Variants in DNAJC1 observed in about 807,000 individuals in gnomAD.
The protein encoded by DNAJC1 is dnaJ homolog subfamily C member 1.
A neutral mutation model predicts 76.6 loss-of-function variants in DNAJC1; 58 were observed. The observed-to-expected ratio is 0.76, with a 90% confidence interval of 0.61 to 0.94. The LOEUF (loss-of-function observed/expected upper bound fraction) is 0.94, where lower values mean the gene tolerates loss of function less well. Ranked by LOEUF, DNAJC1 falls within the 40% of genes least tolerant of loss-of-function variation. The probability of loss-of-function intolerance (pLI) is 0.00; values close to 1 mark genes in which losing one functional copy is unlikely to be tolerated. For missense variants in DNAJC1, 689 were observed against 677.3 expected (o/e 1.02, Z -0.19); for synonymous variants, 258 against 267.9 (o/e 0.96, Z 0.36).
At chr10:22,002,479 G>A (rs1043349638) in intron 1 of DNAJC1, among the ~76,000 whole-genome samples, 20 of 150,606 alleles carry the variant, frequency 1.3e-4, no homozygotes, top group African/African-American at 4.4e-4. Context: ...AGGAAAAGGG[G>A]AAAAAAAAAC....
intron 1 of DNAJC1, among the ~76,000 whole-genome samples, chr10:21,997,417 G>A (rs1421343091): frequency 6.6e-6 from 1 of 152,220 alleles, no homozygotes; most frequent in Non-Finnish European, 1.5e-5. Flanking sequence ...GTATGCTCAA[G>A]GGTAAGTCTG....
chr10:21,786,190 T>C (rs757377738), intron 9 of DNAJC1, among the ~76,000 whole-genome samples: 1 of 151,922 alleles, frequency 6.6e-6, no homozygotes, highest in African/African-American at 2.4e-5. Flanking sequence ...TTGTTGGTCT[T>C]AGCCCATTGG....
intron 3 of DNAJC1, among the ~76,000 whole-genome samples, chr10:21,925,588 G>A (rs1039303549): frequency 6.6e-6 from 1 of 152,098 alleles, no homozygotes; most frequent in Non-Finnish European, 1.5e-5. Flanking sequence ...TCCATACAAT[G>A]GAATACTGTT....
chr10:21,802,001 G>T (rs1834819774), intron 9 of DNAJC1, among the ~76,000 whole-genome samples: 1 of 152,148 alleles, frequency 6.6e-6, no homozygotes, highest in Non-Finnish European at 1.5e-5. Flanking sequence ...TGGGAGGAGG[G>T]AGAGGAGCAG....
intron 1 of DNAJC1, among the ~76,000 whole-genome samples, chr10:21,954,228 T>TA (rs1837645746): frequency 6.6e-6 from 1 of 152,214 alleles, no homozygotes; most frequent in Non-Finnish European, 1.5e-5. Flanking sequence ...AAAATTATGA[T>TA]GTGACTAAAT....
At chr10:21,916,443 C>T (rs1251090618) in intron 6 of DNAJC1, among the ~76,000 whole-genome samples, 3 of 151,988 alleles carry the variant, frequency 2.0e-5, no homozygotes, top group Non-Finnish European at 2.9e-5. Flanking sequence ...GAGCCGAGAT[C>T]GCGCCACTGC....
intron 8 of DNAJC1, among the ~76,000 whole-genome samples, chr10:21,876,855 T>C (rs995250711): frequency 6.6e-5 from 10 of 152,216 alleles, no homozygotes; most frequent in Non-Finnish European, 1.5e-4. Flanking sequence ...GAACAAAACA[T>C]TAATCTTGAT....
intron 8 of DNAJC1, among the ~76,000 whole-genome samples, chr10:21,877,324 A>C (rs1368820213): frequency 6.6e-6 from 1 of 151,750 alleles, no homozygotes; most frequent in African/African-American, 2.4e-5. Flanking sequence ...TTGAACATAG[A>C]AAACACCAAA....
intron 7 of DNAJC1, among the ~76,000 whole-genome samples, chr10:21,886,460 T>A (rs896805144): frequency 7.9e-5 from 12 of 152,076 alleles, no homozygotes; most frequent in African/African-American, 2.7e-4. Context: ...GAGGAAGGAC[T>A]CCTCCCAAAC....
intron 7 of DNAJC1, among the ~76,000 whole-genome samples, chr10:21,883,401 T>C (rs573812160): frequency 3.7e-4 from 56 of 152,280 alleles, no homozygotes; most frequent in Non-Finnish European, 6.0e-4. Flanking sequence ...TACGTGTGTA[T>C]GTGTGTATTT....
At chr10:21,802,269 C>T (rs1165816863) in intron 9 of DNAJC1, among the ~76,000 whole-genome samples, 1 of 152,118 alleles carries the variant, frequency 6.6e-6, no homozygotes, top group Non-Finnish European at 1.5e-5. Flanking sequence ...ACCAAAAGGA[C>T]AGTCCTTATC....
chr10:21,841,874 G>A (rs61851881), intron 8 of DNAJC1, among the ~76,000 whole-genome samples: 3 of 152,076 alleles, frequency 2.0e-5, no homozygotes, highest in African/African-American at 7.2e-5. Flanking sequence ...TAGACTGGAT[G>A]AAGAAAATGT....
At chr10:21,968,072 T>C (rs1837920305) in intron 1 of DNAJC1, among the ~76,000 whole-genome samples, 1 of 152,234 alleles carries the variant, frequency 6.6e-6, no homozygotes, top group Non-Finnish European at 1.5e-5. Flanking sequence ...TAGTTTTATA[T>C]TACATCAATA....
chr10:21,913,744 C>T (rs1252563201), intron 6 of DNAJC1, among the ~76,000 whole-genome samples: 1 of 152,088 alleles, frequency 6.6e-6, no homozygotes, highest in Non-Finnish European at 1.5e-5. Flanking sequence ...TCAAACCCAC[C>T]AGGAGAGCAG....
At chr10:21,811,660 A>G (rs960550089) in intron 8 of DNAJC1, among the ~76,000 whole-genome samples, 3 of 152,246 alleles carry the variant, frequency 2.0e-5, no homozygotes, top group Non-Finnish European at 2.9e-5. Flanking sequence ...ATATCAGAAG[A>G]AAGATCTGTA....
chr10:21,763,056 G>C (rs544045133), intron 10 of DNAJC1, among the ~76,000 whole-genome samples: 2 of 152,022 alleles, frequency 1.3e-5, no homozygotes, highest in Admixed American at 1.3e-4. Flanking sequence ...TCAGCTTCCC[G>C]AGTAGCTGAG....
At chr10:22,000,276 T>G (rs1357846313) in intron 1 of DNAJC1, among the ~76,000 whole-genome samples, 1 of 152,204 alleles carries the variant, frequency 6.6e-6, no homozygotes, top group Non-Finnish European at 1.5e-5. Flanking sequence ...AAGTAACTAA[T>G]GCCTCACAGA....
chr10:21,846,588 T>A (rs1202754545), intron 8 of DNAJC1, among the ~76,000 whole-genome samples: 2 of 152,282 alleles, frequency 1.3e-5, no homozygotes, highest in East Asian at 1.9e-4. Flanking sequence ...TAAAACTTTT[T>A]AAAATTGAAA....
chr10:21,894,524 T>C (rs1366728406), intron 7 of DNAJC1, among the ~76,000 whole-genome samples: 1 of 150,208 alleles, frequency 6.7e-6, no homozygotes, highest in Non-Finnish European at 1.5e-5. Context: ...TGAGCCAAGA[T>C]TGCACGATTG....
Sources: gnomAD v4.1 joint callset for allele counts (sites outside exome capture counted in the v4.1 genomes callset) on GRCh38, gnomAD v4.1.1 for gene constraint, MANE v1.5 for transcripts, NCBI Gene and HGNC (gene_info 2026-07-23, HGNC 2026-07-21) for gene names.